Variants in NELFB observed in about 807,000 individuals in gnomAD.
The protein encoded by NELFB is negative elongation factor B.
In NELFB, 34 loss-of-function variants were observed where a neutral mutation model predicts 60.2. That is an observed-to-expected ratio of 0.56 (90% confidence interval 0.43 to 0.75). The LOEUF (loss-of-function observed/expected upper bound fraction) is 0.75, where lower values mean the gene tolerates loss of function less well. Among genes scored for constraint, NELFB ranks in the 30% least tolerant of loss-of-function variants. The pLI, the probability that NELFB is intolerant of heterozygous loss-of-function variation, is 0.00. For synonymous variants in NELFB, 459 were observed against 382.1 expected (o/e 1.20, Z -2.35); for missense variants, 770 against 831.6 (o/e 0.93, Z 0.91).
Position 137,256,046 on chromosome 9 carries a change from C to T in NELFB, c.386C>T (p.Ala129Val), listed in dbSNP as rs776039069. The change falls in exon 2 of 13, where the codon GCT becomes GTT. Residue 129 changes from alanine to valine, a missense_variant. By Grantham distance (64) the Ala-to-Val change is moderately conservative. Coordinates refer to ENST00000343053, the MANE Select transcript of NELFB (RefSeq NM_015456.5). ...CTGCTGGAGCGAGTGTCAGCCATCGCTTCGGAGGGGAAGGCTGAGGAAAGG... is the reference window on the plus strand; with the variant it reads ...CTGCTGGAGCGAGTGTCAGCCATCGTTTCGGAGGGGAAGGCTGAGGAAAGG... 3.7e-6 allele frequency: 6 copies of T among 1,613,688 alleles called. No individual in the cohort carries two copies. The highest frequency in any genetic ancestry group is 5.1e-6 in the Non-Finnish European group (6 of 1,179,990).
intron 6 of NELFB, 144 bp downstream of exon 6, chr9:137,264,501 T>C (rs1564444041): frequency 1.6e-6 from 1 of 644,760 alleles, no homozygotes; most frequent in East Asian, 2.8e-5. Flanking sequence ...AGTCTCGTTC[T>C]GTAGCCCAGG....
At position 137,272,503 on chromosome 9, in the gene NELFB, C is replaced by T. The variant is rs767607583; in HGVS notation, c.1632-4C>T. 8.1e-6 allele frequency: 13 copies of T among 1,610,706 alleles called. No individual in the cohort carries two copies. In the East Asian group the frequency reaches 2.7e-4, roughly 33 times the overall value. On this transcript the variant is annotated splice_region_variant and splice_polypyrimidine_tract_variant and intron_variant, in intron 11 of 12. Transcript: ENST00000343053. ...CTGCCCCAGCCCTGCACGGCCTTTT[C>T]CAGGAAGGAGAACGTGCACCGGCAC...
At chr9:137,258,105 G>A (rs1251916605) in intron 4 of NELFB, among the ~76,000 whole-genome samples, 1 of 144,502 alleles carries the variant, frequency 6.9e-6, no homozygotes, top group Admixed American at 7.4e-5. Flanking sequence ...ATGCCTAGCC[G>A]AGATTTGTTG....
intron 7 of NELFB, 143 bp downstream of exon 7, chr9:137,266,122 C>T (rs779446950): frequency 1.5e-5 from 12 of 785,672 alleles, no homozygotes; most frequent in African/African-American, 1.2e-4. Flanking sequence ...CTCTGGTGGT[C>T]GGGGATGTGG....
At chr9:137,266,919 C>T (rs111439807) in intron 8 of NELFB, 25 bp from the exon 9 acceptor site, 102 of 1,611,224 alleles carry the variant, frequency 6.3e-5, no homozygotes, top group Non-Finnish European at 8.1e-5. Flanking sequence ...GGCCCGCGCC[C>T]GCTCATGGCC....
rs546421372 is a variant in NELFB, at chr9:137,262,272, G to C, written c.742-765G>C. 9.1e-4 allele frequency among the ~76,000 whole-genome samples: 138 copies of C among 152,308 alleles called. 1 individual carries two copies. Among genetic ancestry groups the C allele is most frequent in the African/African-American group, 2.9e-3 (122 of 41,562 alleles). On this transcript the variant is annotated intron_variant, in intron 4 of 12. Transcript: ENST00000343053. Reference sequence around the variant, plus strand: ...GGGGAAAGGGAGACTCCCTTTCCCTGTCTGCTAAGTAGCGGGTGTTGTTCC... The same window carrying C: ...GGGGAAAGGGAGACTCCCTTTCCCTCTCTGCTAAGTAGCGGGTGTTGTTCC...
In NELFB at chr9:137,264,265, C is replaced by A; in HGVS notation, c.948C>A (p.Ala316=). The change falls in exon 6 of 13, where the codon GCC becomes GCA. Residue 316 remains alanine (A), a synonymous_variant. Coordinates refer to ENST00000343053, the MANE Select transcript of NELFB (RefSeq NM_015456.5). Reference sequence around the variant, plus strand: ...TGCAGTTCACCTGGTGCCTGGACGCCTGCATCCGAGAGCGGTTCGTGGACA... The same window carrying A: ...TGCAGTTCACCTGGTGCCTGGACGCATGCATCCGAGAGCGGTTCGTGGACA... 6.3e-7 allele frequency: 1 copy of A among 1,597,980 alleles called. No individual in the cohort carries two copies. The highest frequency in any genetic ancestry group is 2.3e-5 in the East Asian group (1 of 44,362).
rs371423197 is a variant in NELFB at position 137,272,487 on chromosome 9, C to T, written c.1632-20C>T. On this transcript the variant is annotated intron_variant, in intron 11 of 12. Coordinates refer to ENST00000343053, the MANE Select transcript of NELFB (RefSeq NM_015456.5). The stretch of plus-strand genomic sequence containing the variant: ...CAGCAGGGCCTGCCTCCTGCCCCAG[C>T]CCTGCACGGCCTTTTCCAGGAAGGA... 3 of 1,604,078 alleles carry T rather than the reference C, an allele frequency of 1.9e-6. No homozygotes were observed. Among genetic ancestry groups the T allele is most frequent in the Non-Finnish European group, 2.6e-6 (3 of 1,174,968 alleles).
chr9:137,272,011 T>C, intron 10 of NELFB, 70 bp from the exon 11 acceptor site: 11 of 1,595,050 alleles, frequency 6.9e-6, no homozygotes, highest in Non-Finnish European at 8.6e-6. Flanking sequence ...TCTGAGGTCT[T>C]TGAGGACAAG....
chr9:137,269,114 C>T lies in NELFB; in HGVS notation c.1489+1768C>T, dbSNP rs1830553012. On this transcript the variant is annotated intron_variant, in intron 10 of 12. Coordinates refer to ENST00000343053, the MANE Select transcript of NELFB (RefSeq NM_015456.5). This position sits in a 1 kb window ranked among gnomAD's most constrained non-coding sequence, Gnocchi z 5.3. Reference sequence around the variant, plus strand: ...CACAGCACGTGCCTATTGTGTTTCTCGGTGGCTGGTGTGTTTGAGGATGGC... The same window carrying T: ...CACAGCACGTGCCTATTGTGTTTCTTGGTGGCTGGTGTGTTTGAGGATGGC... 6.6e-6 allele frequency among the ~76,000 whole-genome samples: 1 copy of T among 152,106 alleles called. No homozygotes were observed. The highest frequency in any genetic ancestry group is 2.4e-5 in the African/African-American group (1 of 41,394).
At chr9:137,272,330 G>T in intron 11 of NELFB, 108 bp downstream of exon 11, 1 of 1,536,128 alleles carries the variant, frequency 6.5e-7, no homozygotes. Context: ...TCCGCAGGTG[G>T]GTCTGTTGGG....
rs368165032 is a variant in NELFB, at chr9:137,272,560, G to A, written c.1685G>A (p.Arg562Lys). The A allele has an allele frequency of 4.3e-6, 7 of 1,612,048 alleles. No homozygotes were observed. In the African/African-American group the frequency reaches 6.7e-5, roughly 15 times the overall value. The change falls in exon 12 of 13, where the codon AGG becomes AAG. Residue 562 changes from arginine to lysine, a missense_variant. Coordinates refer to ENST00000343053, the MANE Select transcript of NELFB (RefSeq NM_015456.5). ...CGGCTCCTCATTCACCTGCACCCCA[G>A]GGTGGCCCCGTCTAAGCTGGAGGCG...
Position 137,272,492 on chromosome 9 carries a change from C to T in NELFB, c.1632-15C>T, listed in dbSNP as rs775282004. On this transcript the variant is annotated splice_polypyrimidine_tract_variant and intron_variant, in intron 11 of 12. Transcript: ENST00000343053. Reference sequence around the variant, plus strand: ...GGGCCTGCCTCCTGCCCCAGCCCTGCACGGCCTTTTCCAGGAAGGAGAACG... The same window carrying T: ...GGGCCTGCCTCCTGCCCCAGCCCTGTACGGCCTTTTCCAGGAAGGAGAACG... The T allele has an allele frequency of 2.5e-6, 4 of 1,607,534 alleles. No individual in the cohort carries two copies. The South Asian group carries it at 4.4e-5, about 18-fold the overall frequency.
At chr9:137,263,370 TTCTCCCC>T (rs1830478768) in intron 5 of NELFB, 148 bp downstream of exon 5, 1 of 531,532 alleles carries the variant, frequency 1.9e-6, no homozygotes, top group African/African-American at 3.3e-5. Flanking sequence ...TCCTTCTCCC[TTCTCCCC>T]CGCTCCCCGG....
In NELFB at chr9:137,255,892, T is replaced by TG; in HGVS notation, c.247-15_247-14insG. The stretch of plus-strand genomic sequence containing the variant: ...CGCACTGGGCTGCGTTTGAGGTTTC[T>TG]CTTGGCTTCCTCAGACAGAGAATGG... On this transcript the variant is annotated splice_polypyrimidine_tract_variant and intron_variant, in intron 1 of 12. Transcript: ENST00000343053. The TG allele has an allele frequency of 6.2e-7, 1 of 1,612,628 alleles. No individual in the cohort carries two copies. The highest frequency in any genetic ancestry group is 8.5e-7 in the Non-Finnish European group (1 of 1,179,064).
chr9:137,272,723 C>G, intron 12 of NELFB, 59 bp from the exon 13 acceptor site: 1 of 1,518,262 alleles, frequency 6.6e-7, no homozygotes, highest in South Asian at 1.2e-5. Flanking sequence ...GGCACCCACC[C>G]CTGTGCCCCC....
At chr9:137,267,621 G>A (rs1384056618) in intron 10 of NELFB, among the ~76,000 whole-genome samples, 1 of 151,606 alleles carries the variant, frequency 6.6e-6, no homozygotes, top group African/African-American at 2.4e-5. Flanking sequence ...ACCCTCCTGA[G>A]TAGCTGGGAT....
intron 6 of NELFB, among the ~76,000 whole-genome samples, chr9:137,265,489 A>G (rs1356491766): frequency 1.4e-5 from 2 of 146,536 alleles, no homozygotes; most frequent in Admixed American, 7.1e-5. Flanking sequence ...CCCGGGTTCA[A>G]GTGATTCTCC....
intron 6 of NELFB, among the ~76,000 whole-genome samples, chr9:137,265,062 A>C (rs1384593021): frequency 8.2e-6 from 1 of 121,746 alleles, no homozygotes; most frequent in Non-Finnish European, 1.6e-5. Context: ...TTTCTGAGAC[A>C]GGGTCTCTGT....
Sources: allele counts gnomAD v4.1 joint callset (sites outside exome capture counted in the v4.1 genomes callset), GRCh38; gene constraint gnomAD v4.1.1; non-coding constraint Gnocchi (gnomAD v3.1); transcripts MANE v1.5; gene names NCBI Gene and HGNC (gene_info 2026-07-23, HGNC 2026-07-21).